Variants in RIT2 observed in about 807,000 individuals in gnomAD.
The protein encoded by RIT2 is GTP-binding protein Rit2.
In RIT2, 24 loss-of-function variants were observed where a neutral mutation model predicts 23.7. That is an observed-to-expected ratio of 1.01 (90% CI 0.73 to 1.43). The LOEUF (loss-of-function observed/expected upper bound fraction) is 1.43, where lower values mean the gene tolerates loss of function less well. RIT2 is among the 40% of genes most tolerant of loss of function. The pLI, the probability that RIT2 is intolerant of heterozygous loss-of-function variation, is 0.00. For synonymous variants in RIT2, 107 were observed against 91.1 expected (o/e 1.17, Z -0.99); for missense variants, 236 against 266.9 (o/e 0.88, Z 0.81).
At chr18:42,812,055 G>A (rs759917538) in intron 4 of RIT2, among the ~76,000 whole-genome samples, 3 of 152,152 alleles carry the variant, frequency 2.0e-5, no homozygotes, top group Non-Finnish European at 4.4e-5. Context: ...TGTATGGTAA[G>A]TGAGATAGAA....
intron 4 of RIT2, among the ~76,000 whole-genome samples, chr18:42,894,843 T>C (rs1908279921): frequency 6.6e-6 from 1 of 152,210 alleles, no homozygotes; most frequent in Non-Finnish European, 1.5e-5. Flanking sequence ...TCTGAAAAAG[T>C]TCAGCACTAA....
intron 4 of RIT2, among the ~76,000 whole-genome samples, chr18:42,877,681 C>T (rs1193045070): frequency 6.6e-6 from 1 of 151,426 alleles, no homozygotes; most frequent in Non-Finnish European, 1.5e-5. Flanking sequence ...ATCTGAAATA[C>T]CCCCAAATCC....
At chr18:43,075,324 A>G (rs973482436) in intron 1 of RIT2, among the ~76,000 whole-genome samples, 4 of 152,168 alleles carry the variant, frequency 2.6e-5, no homozygotes, top group Non-Finnish European at 5.9e-5. Context: ...CTAGCAAAAG[A>G]AAACTAATTT....
intron 4 of RIT2, among the ~76,000 whole-genome samples, chr18:42,914,834 T>C (rs1453943884): frequency 6.6e-6 from 1 of 152,036 alleles, no homozygotes; most frequent in Non-Finnish European, 1.5e-5. Context: ...TTGTTTTTCA[T>C]AGTATTCTAG....
chr18:43,043,370 G>C (rs1429704880), intron 1 of RIT2, among the ~76,000 whole-genome samples: 1 of 152,080 alleles, frequency 6.6e-6, no homozygotes, highest in Non-Finnish European at 1.5e-5. Context: ...GAAAATTTAT[G>C]CACCACGTGG....
intron 1 of RIT2, among the ~76,000 whole-genome samples, chr18:43,043,276 A>C (rs1912170357): frequency 6.6e-6 from 1 of 152,122 alleles, no homozygotes; most frequent in South Asian, 2.1e-4. Context: ...ATATCAAGGA[A>C]TCAAATTGAT....
chr18:42,987,018 T>C (rs565198664), intron 2 of RIT2, among the ~76,000 whole-genome samples: 1 of 152,214 alleles, frequency 6.6e-6, no homozygotes, highest in East Asian at 1.9e-4. Flanking sequence ...CTGCAGATGG[T>C]GTGTAAAATG....
At chr18:42,744,709 T>C (rs534643774) in intron 4 of RIT2, among the ~76,000 whole-genome samples, 1 of 152,174 alleles carries the variant, frequency 6.6e-6, no homozygotes, top group Non-Finnish European at 1.5e-5. Context: ...TTAGTTGTTA[T>C]TATAGTCCAG....
chr18:43,115,672 C>A lies in RIT2; in HGVS notation c.-153G>T, dbSNP rs1260785053. On this transcript the variant is annotated 5_prime_UTR_variant, in exon 1 of 5. Coordinates refer to ENST00000326695, the MANE Select transcript of RIT2 (RefSeq NM_002930.4). ...TCGGGCTGGCTGCTGGTCCTCCGCTCGAGCGGGTCTCATAGCAACCACTTC... is the reference window on the plus strand; with the variant it reads ...TCGGGCTGGCTGCTGGTCCTCCGCTAGAGCGGGTCTCATAGCAACCACTTC... 1.4e-5 allele frequency: 15 copies of A among 1,107,484 alleles called. No homozygotes were observed. The highest frequency in any genetic ancestry group is 1.7e-5 in the Non-Finnish European group (14 of 820,962). The allele number at this position is 1,107,484 out of a possible 1,614,324, so 68.6% of individuals were successfully genotyped here.
At chr18:42,935,896 C>T (rs185450023) in intron 3 of RIT2, among the ~76,000 whole-genome samples, 48 of 152,032 alleles carry the variant, frequency 3.2e-4, no homozygotes, top group Admixed American at 2.9e-3. Context: ...AAGGATTTGG[C>T]CTGTGGCCAT....
chr18:42,812,623 C>A (rs553021704), intron 4 of RIT2, among the ~76,000 whole-genome samples: 1 of 152,108 alleles, frequency 6.6e-6, no homozygotes, highest in South Asian at 2.1e-4. Flanking sequence ...TATTTTATAT[C>A]CTTAGGGTTT....
chr18:42,945,648 T>A (rs1048602011), intron 3 of RIT2, among the ~76,000 whole-genome samples: 2 of 152,174 alleles, frequency 1.3e-5, no homozygotes, highest in East Asian at 3.9e-4. Flanking sequence ...ACTAATGTCA[T>A]CATTTTGTAC....
chr18:42,787,517 C>T (rs1298731766), intron 4 of RIT2, among the ~76,000 whole-genome samples: 3 of 152,012 alleles, frequency 2.0e-5, no homozygotes. Context: ...AAATCTGAAG[C>T]TCAAGCTATG....
chr18:42,821,690 T>C (rs981630458), intron 4 of RIT2, among the ~76,000 whole-genome samples: 3 of 152,158 alleles, frequency 2.0e-5, no homozygotes, highest in Admixed American at 1.3e-4. Flanking sequence ...ATGTGTAGTG[T>C]CCTTTGACTA....
At chr18:42,877,529 T>TATATATAC (rs1034614359) in intron 4 of RIT2, among the ~76,000 whole-genome samples, 3 of 149,714 alleles carry the variant, frequency 2.0e-5, no homozygotes, top group Non-Finnish European at 3.0e-5. Context: ...ACTATATATA[T>TATATATAC]ATATATATAT....
At chr18:42,753,627 A>T (rs1256608231) in intron 4 of RIT2, among the ~76,000 whole-genome samples, 1 of 152,224 alleles carries the variant, frequency 6.6e-6, no homozygotes, top group African/African-American at 2.4e-5. Context: ...TGCAGTCTAC[A>T]TCATCAAAGT....
chr18:42,922,457 C>T (rs1051474837), intron 4 of RIT2, among the ~76,000 whole-genome samples: 2 of 152,068 alleles, frequency 1.3e-5, no homozygotes, highest in Admixed American at 1.3e-4. Flanking sequence ...TGAAGCATCT[C>T]AATTTATAAC....
chr18:43,029,296 A>T (rs1249071577), intron 2 of RIT2, among the ~76,000 whole-genome samples: 2 of 152,074 alleles, frequency 1.3e-5, no homozygotes, highest in African/African-American at 4.8e-5. Context: ...TGAGTCAATT[A>T]CAAGAGGAAG....
Position 42,923,836 on chromosome 18 carries a change from C to T in RIT2, c.235-73G>A, listed in dbSNP as rs1598716692. 4.3e-6 allele frequency: 5 copies of T among 1,172,494 alleles called. No homozygotes were observed. The East Asian group carries it at 9.6e-5, about 23-fold the overall frequency. The allele number at this position is 1,172,494 out of a possible 1,614,324, so 72.6% of individuals were successfully genotyped here. ...AATTAATATGAGGTTTAAATGTAAT[C>T]ATTATGAAATTTGAATGTTTTAAAC... On this transcript the variant is annotated intron_variant, in intron 3 of 4. Coordinates refer to ENST00000326695, the MANE Select transcript of RIT2 (RefSeq NM_002930.4).
Sources: gnomAD v4.1 joint callset for allele counts (sites outside exome capture counted in the v4.1 genomes callset) on GRCh38, gnomAD v4.1.1 for gene constraint, MANE v1.5 for transcripts, NCBI Gene and HGNC (gene_info 2026-07-23, HGNC 2026-07-21) for gene names.